SHTN1: variants seen among roughly 807,000 people sequenced by gnomAD.
SHTN1 encodes the protein shootin-1.
A neutral mutation model predicts 83.1 loss-of-function variants in SHTN1; 42 were observed. That is an observed-to-expected ratio of 0.51 (90% CI 0.39 to 0.65). The LOEUF is 0.65. Ranked by LOEUF, SHTN1 falls within the 30% of genes least tolerant of loss-of-function variation. The probability of loss-of-function intolerance (pLI) is 0.00; values close to 1 mark genes in which losing one functional copy is unlikely to be tolerated. For synonymous variants in SHTN1, 224 were observed against 247.7 expected (o/e 0.90, Z 0.90); for missense variants, 622 against 737.8 (o/e 0.84, Z 1.82).
intron 2 of SHTN1, among the ~76,000 whole-genome samples, chr10:117,011,080 AAG>A (rs1159849087): frequency 6.6e-6 from 1 of 152,216 alleles, no homozygotes; most frequent in East Asian, 1.9e-4. Flanking sequence ...AGACAAGAAA[AAG>A]AAAGAAAAGG....
At chr10:117,063,955 A>ATT (rs1216419256) in intron 1 of SHTN1, among the ~76,000 whole-genome samples, 1 of 152,164 alleles carries the variant, frequency 6.6e-6, no homozygotes, top group Non-Finnish European at 1.5e-5. Context: ...TTTTCACCAT[A>ATT]TTCCCTAAAA....
At chr10:116,993,749 T>C (rs1851527665) in intron 1 of SHTN1, among the ~76,000 whole-genome samples, 1 of 152,174 alleles carries the variant, frequency 6.6e-6, no homozygotes, top group African/African-American at 2.4e-5. Context: ...ATACAGGTAC[T>C]TTTAAAATAA....
At position 117,046,258 on chromosome 10, in the gene SHTN1, G is replaced by A. The variant is rs188598949; in HGVS notation, c.-123+2187C>T. ...ATACAAAGAAGCTAGGGTAAAAAATGGCCATTTAGGACATATAAAGGTACT... is the reference window on the plus strand; with the variant it reads ...ATACAAAGAAGCTAGGGTAAAAAATAGCCATTTAGGACATATAAAGGTACT... On this transcript the variant is annotated intron_variant, in intron 2 of 17. Coordinates refer to the SHTN1 transcript ENST00000392901. Among the ~76,000 whole-genome samples, 3 of 152,028 alleles carry A rather than the reference G, an allele frequency of 2.0e-5. No homozygotes were observed. In the East Asian group the frequency reaches 5.8e-4, roughly 29 times the overall value.
At chr10:117,118,517 C>T (rs764258216) in intron 1 of SHTN1, among the ~76,000 whole-genome samples, 25 of 152,082 alleles carry the variant, frequency 1.6e-4, no homozygotes, top group Non-Finnish European at 3.2e-4. Context: ...AAAAATAGAA[C>T]TACCATATGA....
intron 7 of SHTN1, among the ~76,000 whole-genome samples, chr10:116,946,877 A>G (rs901401024): frequency 2.0e-5 from 3 of 151,646 alleles, no homozygotes; most frequent in Non-Finnish European, 2.9e-5. Context: ...GCGTGCCACC[A>G]TATCTGGCTA....
At chr10:116,999,126 G>C (rs757291915) in intron 1 of SHTN1, among the ~76,000 whole-genome samples, 2 of 152,076 alleles carry the variant, frequency 1.3e-5, no homozygotes, top group Non-Finnish European at 2.9e-5. Context: ...AACACAACCA[G>C]CCCAGAAGCA....
At chr10:116,916,638 C>T (rs548381615) in intron 12 of SHTN1, among the ~76,000 whole-genome samples, 1 of 152,292 alleles carries the variant, frequency 6.6e-6, no homozygotes, top group South Asian at 2.1e-4. Flanking sequence ...TTAGGCTTTG[C>T]AATAAGGAGG....
At chr10:116,899,527 G>A (rs1394759814) in intron 16 of SHTN1, among the ~76,000 whole-genome samples, 2 of 86,376 alleles carry the variant, frequency 2.3e-5, no homozygotes, top group Non-Finnish European at 6.4e-5. Flanking sequence ...GTGTGTGTGT[G>A]TGTGTGTGTG....
intron 2 of SHTN1, among the ~76,000 whole-genome samples, chr10:117,020,101 A>G (rs1852237874): frequency 6.6e-6 from 1 of 152,164 alleles, no homozygotes; most frequent in African/African-American, 2.4e-5. Flanking sequence ...ACAAAAGAAT[A>G]AACTTAGTTC....
chr10:116,971,657 G>A (rs533502424), intron 2 of SHTN1, among the ~76,000 whole-genome samples: 1 of 152,264 alleles, frequency 6.6e-6, no homozygotes, highest in Admixed American at 6.5e-5. Context: ...TTCCGACTAG[G>A]CTCAAACTCC....
intron 2 of SHTN1, among the ~76,000 whole-genome samples, chr10:117,017,228 A>T (rs1385085349): frequency 6.6e-6 from 1 of 152,210 alleles, no homozygotes; most frequent in Non-Finnish European, 1.5e-5. Flanking sequence ...GCGGTGGCTC[A>T]CGCCTGTAAT....
chr10:116,907,890 A>C (rs540366999), intron 14 of SHTN1: 14 of 518,414 alleles, frequency 2.7e-5, no homozygotes, highest in South Asian at 2.0e-4. Flanking sequence ...GACTTGCCTT[A>C]ATCCTGCTCC....
At chr10:116,948,011 G>A (rs946978224) in intron 7 of SHTN1, among the ~76,000 whole-genome samples, 1 of 152,182 alleles carries the variant, frequency 6.6e-6, no homozygotes, top group East Asian at 1.9e-4. Flanking sequence ...AATAGGGAAG[G>A]CCCTGGGTCG....
chr10:117,087,675 T>C (rs1379840155), intron 1 of SHTN1, among the ~76,000 whole-genome samples: 1 of 151,968 alleles, frequency 6.6e-6, no homozygotes, highest in Non-Finnish European at 1.5e-5. Flanking sequence ...ACAATATGAG[T>C]CAAAACATAA....
intron 1 of SHTN1, among the ~76,000 whole-genome samples, chr10:117,071,848 T>G (rs954841007): frequency 6.6e-6 from 1 of 152,082 alleles, no homozygotes; most frequent in Admixed American, 6.5e-5. Context: ...ATCCTGCTGT[T>G]GTATATGTCA....
chr10:116,953,632 T>TTG (rs1849865437), intron 5 of SHTN1, among the ~76,000 whole-genome samples: 2 of 141,232 alleles, frequency 1.4e-5, no homozygotes, highest in South Asian at 2.5e-4. Context: ...TGTTTTTTTT[T>TTG]TTTTTTTTTT....
chr10:117,036,846 T>C (rs1357047220), intron 2 of SHTN1, among the ~76,000 whole-genome samples: 4 of 152,216 alleles, frequency 2.6e-5, no homozygotes, highest in African/African-American at 9.6e-5. Flanking sequence ...TTACATAATG[T>C]GGCTATTATG....
At chr10:117,119,506 A>G (rs1403530849) in intron 1 of SHTN1, among the ~76,000 whole-genome samples, 1 of 152,224 alleles carries the variant, frequency 6.6e-6, no homozygotes, top group East Asian at 1.9e-4. Context: ...ATCTCACTCC[A>G]GTTAAAATGG....
At chr10:117,034,188 A>G (rs1009198138) in intron 2 of SHTN1, among the ~76,000 whole-genome samples, 2 of 152,202 alleles carry the variant, frequency 1.3e-5, no homozygotes, top group Non-Finnish European at 2.9e-5. Flanking sequence ...AGCTACAGCA[A>G]TTAGATTAGA....
Sources: allele counts gnomAD v4.1 joint callset (sites outside exome capture counted in the v4.1 genomes callset), GRCh38; gene constraint gnomAD v4.1.1; transcripts MANE v1.5; gene names NCBI Gene and HGNC (gene_info 2026-07-23, HGNC 2026-07-21).